Variants in ROBO1 observed in about 807,000 individuals in gnomAD.
The protein encoded by ROBO1 is roundabout guidance receptor 1.
A neutral mutation model predicts 195.9 loss-of-function variants in ROBO1; 149 were observed. The ratio of observed to expected loss-of-function variants is 0.76; its 90% CI spans 0.67 to 0.87. The LOEUF (loss-of-function observed/expected upper bound fraction) is 0.87. ROBO1 is among the 40% of genes least tolerant of loss of function. The pLI, the probability that ROBO1 is intolerant of heterozygous loss-of-function variation, is 0.00. For missense variants in ROBO1, 1,933 were observed against 2,068.3 expected (o/e 0.93, Z 1.27); for synonymous variants, 816 against 733.2 (o/e 1.11, Z -1.82).
At chr3:78,970,020 A>T (rs2076728455) in intron 3 of ROBO1, among the ~76,000 whole-genome samples, 1 of 152,116 alleles carries the variant, frequency 6.6e-6, no homozygotes, top group Non-Finnish European at 1.5e-5. Context: ...AAAGAGAATG[A>T]CCTACAAATG....
At chr3:78,891,642 ATG>A (rs1156761260) in intron 4 of ROBO1, among the ~76,000 whole-genome samples, 2 of 152,222 alleles carry the variant, frequency 1.3e-5, no homozygotes, top group African/African-American at 4.8e-5. Flanking sequence ...TTGTATGATA[ATG>A]TGTTAGCAAC....
chr3:79,129,023 T>C (rs909870012), intron 2 of ROBO1, among the ~76,000 whole-genome samples: 1 of 152,140 alleles, frequency 6.6e-6, no homozygotes, highest in Non-Finnish European at 1.5e-5. Context: ...CGATTATTTT[T>C]CATAACATAT....
intron 3 of ROBO1, among the ~76,000 whole-genome samples, chr3:79,105,873 G>A (rs2079769534): frequency 1.3e-5 from 2 of 151,790 alleles, no homozygotes; most frequent in Non-Finnish European, 1.5e-5. Context: ...GTGTATATAG[G>A]TTTGGGAAAT....
intron 2 of ROBO1, among the ~76,000 whole-genome samples, chr3:79,334,993 G>A (rs886482123): frequency 3.9e-5 from 6 of 151,920 alleles, no homozygotes; most frequent in South Asian, 2.1e-4. Flanking sequence ...GGTGCATGCC[G>A]GTAATCTCAA....
chr3:79,306,984 T>C (rs375575306), intron 2 of ROBO1, among the ~76,000 whole-genome samples: 1 of 150,674 alleles, frequency 6.6e-6, no homozygotes, highest in Admixed American at 6.7e-5. Context: ...TGTAGAAATA[T>C]ATAGAAAAGA....
chr3:79,569,476 T>C (rs531074216), intron 2 of ROBO1, among the ~76,000 whole-genome samples: 1 of 152,300 alleles, frequency 6.6e-6, no homozygotes. Context: ...TATGAATTTT[T>C]AAGTCATTTG....
At chr3:79,242,080 T>C (rs979265910) in intron 2 of ROBO1, among the ~76,000 whole-genome samples, 18 of 151,890 alleles carry the variant, frequency 1.2e-4, no homozygotes, top group African/African-American at 4.4e-4. Flanking sequence ...AAAAGAAGGA[T>C]CCCTGACCCT....
chr3:79,619,812 T>C (rs554981154), intron 1 of ROBO1, among the ~76,000 whole-genome samples: 1 of 152,292 alleles, frequency 6.6e-6, no homozygotes, highest in Admixed American at 6.5e-5. Context: ...TTATTCTGAA[T>C]ATCCATTTTA....
chr3:79,066,233 T>C (rs2079000500), intron 3 of ROBO1, among the ~76,000 whole-genome samples: 1 of 151,792 alleles, frequency 6.6e-6, no homozygotes, highest in Non-Finnish European at 1.5e-5. Flanking sequence ...AGGAAAAGGA[T>C]TATTGAAAAA....
At chr3:78,983,946 T>C (rs1451549861) in intron 3 of ROBO1, among the ~76,000 whole-genome samples, 1 of 152,122 alleles carries the variant, frequency 6.6e-6, no homozygotes. Context: ...ACTTGTAATG[T>C]GGAAGTGGCA....
chr3:78,682,917 A>G (rs1424857305), intron 10 of ROBO1, among the ~76,000 whole-genome samples: 2 of 151,804 alleles, frequency 1.3e-5, no homozygotes, highest in Admixed American at 6.6e-5. Context: ...ATTTTTATGT[A>G]CAAAATGTTT....
chr3:79,171,239 A>C (rs560342547), intron 2 of ROBO1, among the ~76,000 whole-genome samples: 3 of 150,770 alleles, frequency 2.0e-5, no homozygotes, highest in Non-Finnish European at 4.4e-5. Flanking sequence ...ACAATTTTGT[A>C]ATTGTTTTAC....
intron 2 of ROBO1, among the ~76,000 whole-genome samples, chr3:79,294,909 C>T (rs766156901): frequency 2.6e-5 from 4 of 152,114 alleles, no homozygotes; most frequent in Non-Finnish European, 5.9e-5. Flanking sequence ...TACCATCTCA[C>T]GCCAGTTAGA....
chr3:79,437,443 C>A (rs947798718), intron 2 of ROBO1, among the ~76,000 whole-genome samples: 8 of 151,886 alleles, frequency 5.3e-5, no homozygotes, highest in Non-Finnish European at 1.2e-4. Flanking sequence ...CATATATACT[C>A]TTTTTTGAAA....
chr3:78,723,725 A>G lies in ROBO1; in HGVS notation c.658-5842T>C, dbSNP rs574689149. ...TAATAAGTAGAGGCCAGAAATACAC[A>G]TCAAGGAATTATCTGACTCAAACTG... On this transcript the variant is annotated intron_variant, in intron 5 of 30. Coordinates refer to ENST00000464233, the MANE Select transcript of ROBO1 (RefSeq NM_002941.4). Among the ~76,000 whole-genome samples the G allele has an allele frequency of 2.6e-5, 4 of 152,242 alleles. No individual in the cohort carries two copies. The South Asian group carries it at 8.3e-4, about 32-fold the overall frequency.
intron 2 of ROBO1, among the ~76,000 whole-genome samples, chr3:79,425,107 G>A (rs1384581722): frequency 6.6e-6 from 1 of 152,122 alleles, no homozygotes; most frequent in African/African-American, 2.4e-5. Context: ...GGGGTGGCCT[G>A]CATGTGATTT....
intron 3 of ROBO1, among the ~76,000 whole-genome samples, chr3:79,049,200 T>G (rs971142028): frequency 2.6e-5 from 4 of 152,026 alleles, no homozygotes; most frequent in Non-Finnish European, 5.9e-5. Context: ...GAGAAGACAT[T>G]AAGTGACCTG....
intron 4 of ROBO1, among the ~76,000 whole-genome samples, chr3:78,909,920 T>C (rs373185109): frequency 1.3e-5 from 2 of 151,774 alleles, no homozygotes; most frequent in African/African-American, 4.8e-5. Flanking sequence ...AAATTGATTC[T>C]AATATCTCCA....
chr3:78,931,741 A>T (rs1232123438), intron 4 of ROBO1, among the ~76,000 whole-genome samples: 1 of 152,134 alleles, frequency 6.6e-6, no homozygotes, highest in African/African-American at 2.4e-5. Flanking sequence ...CAAGGAAGGG[A>T]GATCATTTGA....
Sources: allele counts gnomAD v4.1 joint callset (sites outside exome capture counted in the v4.1 genomes callset), GRCh38; gene constraint gnomAD v4.1.1; transcripts MANE v1.5; gene names NCBI Gene and HGNC (gene_info 2026-07-23, HGNC 2026-07-21).